Variants in NR1D1 observed in about 807,000 individuals in gnomAD.
NR1D1 encodes nuclear receptor subfamily 1 group D member 1.
Under a neutral mutation model 51.1 loss-of-function variants are expected in NR1D1, and 17 were observed. The ratio of observed to expected loss-of-function variants is 0.33; its 90% CI spans 0.23 to 0.50. NR1D1 has a LOEUF of 0.50. Ranked by LOEUF, NR1D1 falls within the 20% of genes least tolerant of loss-of-function variation. The pLI, the probability that NR1D1 is intolerant of heterozygous loss-of-function variation, is 0.98. For missense variants in NR1D1, 647 were observed against 830.4 expected, an observed-to-expected ratio of 0.78 and a Z score of 2.71; for synonymous variants, 341 against 333.4, an observed-to-expected ratio of 1.02 and a Z score of -0.25.
At chr17:40,095,172 T>TG (rs769723164) in intron 5 of NR1D1, 52 bp from the exon 6 acceptor site, 2 of 1,558,030 alleles carry the variant, frequency 1.3e-6, no homozygotes, top group Admixed American at 3.4e-5. Context: ...CTGGGTCAGA[T>TG]GGACGCCCCG....
Position 40,095,938 on chromosome 17 carries a change from G to A in NR1D1, c.754C>T (p.Pro252Ser), listed in dbSNP as rs1186395320. ...TQHPTPGPMG[P>S]SPPPAPVPSP... ...GGGACCGGAGCAGGGGGTGGCGAGG[G>A]GCCCATGGGGCCTGGGGTGGGGTGC... The change falls in exon 5 of 8, where the codon CCC becomes TCC. Residue 252 changes from proline (P) to serine (S), a missense_variant. By Grantham distance (74) the Pro-to-Ser change is moderately conservative. Transcript: ENST00000246672. 4 of 1,611,134 alleles carry A rather than the reference G, an allele frequency of 2.5e-6. No individual in the cohort carries two copies. The highest frequency in any genetic ancestry group is 3.4e-6 in the Non-Finnish European group (4 of 1,179,330).
chr17:40,098,513 T>G (rs1278875986), intron 1 of NR1D1, among the ~76,000 whole-genome samples: 1 of 152,100 alleles, frequency 6.6e-6, no homozygotes, highest in Non-Finnish European at 1.5e-5. Context: ...GTAAATGAAG[T>G]TGACCTAGTT....
chr17:40,098,456 T>C lies in NR1D1; in HGVS notation c.32-1053A>G, dbSNP rs1430379585. Reference sequence around the variant, plus strand: ...GAAAATAGTTGCACAACAGATCAGCTCCCCCGGTTTCAGGGCTGAGGTGGG... The same window carrying C: ...GAAAATAGTTGCACAACAGATCAGCCCCCCCGGTTTCAGGGCTGAGGTGGG... On this transcript the variant is annotated intron_variant, in intron 1 of 7. Transcript: ENST00000246672. 2.0e-5 allele frequency among the ~76,000 whole-genome samples: 3 copies of C among 151,998 alleles called. No homozygotes were observed. The South Asian group carries it at 6.2e-4, about 32-fold the overall frequency.
rs137853164 is a variant in NR1D1, at chr17:40,093,039, C to T, written c.*44G>A. The T allele has an allele frequency of 1.2e-6, 2 of 1,613,840 alleles. No homozygotes were observed. The highest frequency in any genetic ancestry group is 1.1e-5 in the South Asian group (1 of 91,066). ...GTAAAGGAGAGAGAAGTGCAGAGTT[C>T]GATTCTGTACAAGGGGGCAGCGGCA... is the stretch of plus-strand genomic sequence containing the variant. On this transcript the variant is annotated 3_prime_UTR_variant, in exon 8 of 8. Coordinates refer to ENST00000246672, the MANE Select transcript of NR1D1 (RefSeq NM_021724.5). This position sits in a 1 kb window ranked among gnomAD's most constrained non-coding sequence, Gnocchi z 5.9.
intron 1 of NR1D1, among the ~76,000 whole-genome samples, chr17:40,099,640 C>G (rs1987836312): frequency 6.6e-6 from 1 of 152,112 alleles, no homozygotes; most frequent in Non-Finnish European, 1.5e-5. Context: ...CAGATTCCCT[C>G]GCGCCTGCAG....
rs371329550 is a variant in NR1D1, at chr17:40,094,422, G to A, written c.1435-300C>T. 6.6e-5 allele frequency among the ~76,000 whole-genome samples: 10 copies of A among 152,346 alleles called. No homozygotes were observed. The South Asian group carries it at 1.7e-3, about 25-fold the overall frequency. On this transcript the variant is annotated intron_variant, in intron 6 of 7. Transcript: ENST00000246672. The stretch of plus-strand genomic sequence containing the variant: ...ACCCAAGGCATTATTTCAGTGTAAT[G>A]GGTTGTGATTAAATTCCAGCTGAGA...
chr17:40,095,487 G>A lies in NR1D1; in HGVS notation c.1205C>T (p.Pro402Leu). ...GTTGCCCTGCCGGGGACTGTTGGCA[G>A]GTGCCTTGCCTTCTGGGGCTGCATA... The part of the protein sequence containing the change: ...HVYAAPEGKA[P>L]ANSPRQGNSK... Residue 402 changes from proline to leucine, a missense_variant, in exon 5 of 8, where the codon CCT becomes CTT. By Grantham distance (98) the Pro-to-Leu change is moderately conservative. Transcript: ENST00000246672. 3 of 1,549,690 alleles carry A rather than the reference G, an allele frequency of 1.9e-6. No individual in the cohort carries two copies. The highest frequency in any genetic ancestry group is 2.0e-5 in the Admixed American group (1 of 50,840).
intron 1 of NR1D1, among the ~76,000 whole-genome samples, chr17:40,099,240 T>A (rs1987827119): frequency 6.6e-6 from 1 of 152,074 alleles, no homozygotes; most frequent in Non-Finnish European, 1.5e-5. Context: ...TCGCCCCGCC[T>A]CCTACCCGCC....
Position 40,096,493 on chromosome 17 carries a change from C to T in NR1D1, c.554G>A (p.Cys185Tyr). 6.2e-7 allele frequency: 1 copy of T among 1,614,234 alleles called. No homozygotes were observed. Among genetic ancestry groups the T allele is most frequent in the Non-Finnish European group, 8.5e-7 (1 of 1,180,042 alleles). ...ACACTTCTTGAAGCGACATTGCTGGCAGCGGTTGCGATTGATGCGGACGAT... is the reference window on the plus strand; with the variant it reads ...ACACTTCTTGAAGCGACATTGCTGGTAGCGGTTGCGATTGATGCGGACGAT... ...CSIVRINRNR[C>Y]QQCRFKKCLS... The change falls in exon 4 of 8, where the codon TGC (cysteine) becomes TAC (tyrosine). Residue 185 changes from cysteine (C) to tyrosine (Y), a missense_variant. Physicochemically the swap from Cys to Tyr is radical, Grantham distance 194 (BLOSUM62 -2). Transcript: ENST00000246672.
chr17:40,093,031 G>A lies in NR1D1; in HGVS notation c.*52C>T, dbSNP rs1567658256. 1.9e-6 allele frequency: 3 copies of A among 1,613,130 alleles called. No homozygotes were observed. Among genetic ancestry groups the A allele is most frequent in the South Asian group, 1.1e-5 (1 of 91,072 alleles). ...TTCGTCTCGTAAAGGAGAGAGAAGTGCAGAGTTCGATTCTGTACAAGGGGG... is the reference window on the plus strand; with the variant it reads ...TTCGTCTCGTAAAGGAGAGAGAAGTACAGAGTTCGATTCTGTACAAGGGGG... On this transcript the variant is annotated 3_prime_UTR_variant, in exon 8 of 8. Transcript: ENST00000246672. This position sits in a 1 kb window ranked among gnomAD's most constrained non-coding sequence, Gnocchi z 5.9.
intron 1 of NR1D1, 36 bp downstream of exon 1, chr17:40,100,028 G>C (rs1322687942): frequency 2.0e-6 from 3 of 1,518,022 alleles, no homozygotes; most frequent in Non-Finnish European, 2.7e-6. Context: ...GGGAGACAGT[G>C]ACAGGGAAAA....
chr17:40,098,993 T>C (rs1401140955), intron 1 of NR1D1, among the ~76,000 whole-genome samples: 2 of 142,704 alleles, frequency 1.4e-5, no homozygotes, highest in East Asian at 4.3e-4. Context: ...GGCTCCATGT[T>C]ACTTTGTTTT....
intron 1 of NR1D1, among the ~76,000 whole-genome samples, chr17:40,098,372 A>T (rs1220846873): frequency 2.0e-5 from 3 of 152,196 alleles, no homozygotes. Flanking sequence ...ACACACACTG[A>T]ACTGGGCAGG....
At chr17:40,098,988 C>T (rs1395787212) in intron 1 of NR1D1, among the ~76,000 whole-genome samples, 1 of 146,400 alleles carries the variant, frequency 6.8e-6, no homozygotes, top group East Asian at 2.1e-4. Context: ...GGAATGGCTC[C>T]ATGTTACTTT....
At position 40,095,014 on chromosome 17, in the gene NR1D1, T is replaced by C. The variant is rs1987719934; in HGVS notation, c.1355A>G (p.Glu452Gly). ...SFTPAVREVV[E>G]FAKHIPGFRD... is the part of the protein sequence containing the mutation. Reference sequence around the variant, plus strand: ...GAAGCCCGGGATGTGTTTGGCAAACTCTACCACCTCCCGCACAGCGGGCGT... The same window carrying C: ...GAAGCCCGGGATGTGTTTGGCAAACCCTACCACCTCCCGCACAGCGGGCGT... The change falls in exon 6 of 8, where the codon GAG becomes GGG. Residue 452 changes from glutamate (E) to glycine (G), a missense_variant. Physicochemically the swap from Glu to Gly is moderately conservative, Grantham distance 98 (BLOSUM62 -2). Around this residue, in one of 7 missense-constraint regions of NR1D1, gnomAD observed 155 missense variants for 236.8 expected, o/e 0.65. Transcript: ENST00000246672. 6.2e-7 allele frequency: 1 copy of C among 1,614,034 alleles called. No individual in the cohort carries two copies. Among genetic ancestry groups the C allele is most frequent in the Non-Finnish European group, 8.5e-7 (1 of 1,180,050 alleles).
At position 40,093,194 on chromosome 17, in the gene NR1D1, C is replaced by T. The variant is rs748189737; in HGVS notation, c.1734G>A (p.Arg578=). The T allele has an allele frequency of 2.0e-5, 33 of 1,613,710 alleles. No individual in the cohort carries two copies. The highest frequency in any genetic ancestry group is 6.8e-6 in the Non-Finnish European group (8 of 1,180,032). Residue 578 remains arginine, a synonymous_variant, in exon 8 of 8, where the codon CGG becomes CGA. Transcript: ENST00000246672. This position sits in a 1 kb window ranked among gnomAD's most constrained non-coding sequence, Gnocchi z 5.9. ...TGGTGAAGCGGGAAGTCTCCAAGGG[C>T]CGGTTCTTCAGCACCAGAGCCCGAA... ...RALRALVLKN[R]PLETSRFTKL...
rs757461222 is a variant in NR1D1, at chr17:40,097,266, T to G, written c.169A>C (p.Thr57Pro). 6.2e-7 allele frequency: 1 copy of G among 1,612,450 alleles called. No homozygotes were observed. The highest frequency in any genetic ancestry group is 8.5e-7 in the Non-Finnish European group (1 of 1,178,976). The stretch of plus-strand genomic sequence containing the variant: ...GCCGGGTCTTGGGTGAGGGAGCCAG[T>G]GGGGGATGGTGGGAAGTAGGTGGGA... ...GCPTYFPPSP[T>P]GSLTQDPARS... Residue 57 changes from threonine (T) to proline (P), a missense_variant, in exon 2 of 8, where the codon ACT (threonine) becomes CCT (proline). Coordinates refer to ENST00000246672, the MANE Select transcript of NR1D1 (RefSeq NM_021724.5).
In NR1D1 at chr17:40,093,752, T is replaced by C; in HGVS notation, c.1645+160A>G. The C allele has an allele frequency of 1.5e-6, 1 of 664,546 alleles. No individual in the cohort carries two copies. The allele number at this position is 664,546 out of a possible 1,614,324, so 41.2% of individuals were successfully genotyped here. On this transcript the variant is annotated intron_variant, in intron 7 of 7. Coordinates refer to ENST00000246672, the MANE Select transcript of NR1D1 (RefSeq NM_021724.5). This position sits in a 1 kb window ranked among gnomAD's most constrained non-coding sequence, Gnocchi z 5.9. ...ACTTATCTCACTGTTTTATAATTAG[T>C]CGGGCATGAGTCTGTTTCCCAAGCT... is the stretch of plus-strand genomic sequence containing the variant.
intron 1 of NR1D1, among the ~76,000 whole-genome samples, chr17:40,099,521 G>A (rs1456942539): frequency 6.6e-6 from 1 of 152,156 alleles, no homozygotes; most frequent in African/African-American, 2.4e-5. Flanking sequence ...CGGGCACCAC[G>A]CTCTGGACTC....
Sources: gnomAD v4.1 joint callset for allele counts (sites outside exome capture counted in the v4.1 genomes callset) on GRCh38, gnomAD v4.1.1 for gene constraint, gnomAD v4.1.1 regional missense constraint, Gnocchi (gnomAD v3.1) non-coding constraint, MANE v1.5 for transcripts, NCBI Gene and HGNC (gene_info 2026-07-23, HGNC 2026-07-21) for gene names.